TCOF1: variants seen among roughly 807,000 people sequenced by gnomAD.
TCOF1 encodes the protein treacle protein.
In TCOF1, 33 loss-of-function variants were observed where a neutral mutation model predicts 149.0. The observed-to-expected ratio is 0.22, with a 90% CI of 0.17 to 0.30. TCOF1 has a LOEUF of 0.30. TCOF1 is among the 10% of genes least tolerant of loss of function. TCOF1 has a pLI of 1.00. For missense variants in TCOF1, 1,728 were observed against 1,840.7 expected (o/e 0.94, Z 1.12); for synonymous variants, 789 against 738.8 (o/e 1.07, Z -1.10).
At chr5:150,398,998 CCT>C in intron 25 of TCOF1, 22 bp from the exon 26 acceptor site, 2 of 1,614,198 alleles carry the variant, frequency 1.2e-6, no homozygotes, top group East Asian at 2.2e-5. Flanking sequence ...GGTCTGAGAG[CCT>C]CTCGTACTTC....
intron 14 of TCOF1, among the ~76,000 whole-genome samples, chr5:150,377,625 G>C (rs1020552947): frequency 6.6e-6 from 1 of 151,846 alleles, no homozygotes; most frequent in Non-Finnish European, 1.5e-5. Flanking sequence ...TCGTTGACTT[G>C]TGGGACCTCA....
At chr5:150,398,938 T>C (rs1273328968) in intron 25 of TCOF1, 84 bp from the exon 26 acceptor site, 1 of 1,597,502 alleles carries the variant, frequency 6.3e-7, no homozygotes, top group African/African-American at 1.3e-5. Flanking sequence ...TCTAGGGGAA[T>C]TCACTAGTCC....
At position 150,392,717 on chromosome 5, in the gene TCOF1, C is replaced by T. The variant is rs1136103; in HGVS notation, c.3530C>T (p.Pro1177Leu). 7 of 1,613,882 alleles carry T rather than the reference C, an allele frequency of 4.3e-6. No individual in the cohort carries two copies. Among genetic ancestry groups the T allele is most frequent in the South Asian group, 2.2e-5 (2 of 91,082 alleles). ...KSAHTLVGPT[P>L]SRTETLVEET... ...TGTGCTTCTCCAGTAGGTCCCACCC[C>T]CTCCAGGACAGAGACCCTGGTGGAG... is the stretch of plus-strand genomic sequence containing the variant. Residue 1177 changes from proline (P) to leucine (L), a missense_variant, in exon 22 of 27, where the codon CCC (proline) becomes CTC (leucine). Pro to Leu is a moderately conservative substitution (Grantham distance 98, BLOSUM62 -3). Around this residue, in one of 2 missense-constraint regions of TCOF1, gnomAD observed 1,696 missense variants for 1,765.4 expected, o/e 0.96. Transcript: ENST00000643257.
chr5:150,386,990 C>T (rs1271551249), intron 17 of TCOF1, among the ~76,000 whole-genome samples: 3 of 152,214 alleles, frequency 2.0e-5, no homozygotes, highest in Admixed American at 6.5e-5. Flanking sequence ...CACGTACCAT[C>T]CCCAGCCTCA....
intron 17 of TCOF1, among the ~76,000 whole-genome samples, chr5:150,386,871 G>A (rs920879195): frequency 3.9e-5 from 6 of 152,238 alleles, no homozygotes; most frequent in African/African-American, 9.6e-5. Flanking sequence ...TTCAAAACCA[G>A]ACTGGCCTGC....
At chr5:150,368,272 C>A in intron 4 of TCOF1, 1 of 365,408 alleles carries the variant, frequency 2.7e-6, no homozygotes, top group Non-Finnish European at 5.1e-6. Flanking sequence ...CCGTAGTGAT[C>A]AAGACATCTG....
At position 150,400,279 on chromosome 5, in the gene TCOF1, C is replaced by T. The variant is rs1333000217; in HGVS notation, c.*492C>T. ...AATAACTCAAAAAAAAAATAAAAGA[C>T]TTGGAGGAAGGGTGCAAGCTCCCAG... On this transcript the variant is annotated 3_prime_UTR_variant, in exon 27 of 27. Coordinates refer to ENST00000643257, the MANE Select transcript of TCOF1 (RefSeq NM_001371623.1). 6.6e-6 allele frequency: 1 copy of T among 151,060 alleles called. No homozygotes were observed. The highest frequency in any genetic ancestry group is 1.9e-4 in the East Asian group (1 of 5,158). The allele number at this position is 151,060 out of a possible 1,614,324, so 9.4% of individuals were successfully genotyped here.
rs563767747 is a variant in TCOF1 at position 150,392,841 on chromosome 5, C to T, written c.3603+51C>T. The T allele has an allele frequency of 4.5e-5, 71 of 1,587,766 alleles. No homozygotes were observed. The East Asian group carries it at 1.6e-3, about 35-fold the overall frequency. On this transcript the variant is annotated intron_variant, in intron 22 of 26. Coordinates refer to ENST00000643257, the MANE Select transcript of TCOF1 (RefSeq NM_001371623.1). Reference sequence around the variant, plus strand: ...GCCCATAGGCCTTAGGGTGGAGCCCCAGGCCAGGCTCCTGTCTACCCGATC... The same window carrying T: ...GCCCATAGGCCTTAGGGTGGAGCCCTAGGCCAGGCTCCTGTCTACCCGATC...
chr5:150,381,165 A>G (rs1472710962), intron 17 of TCOF1, among the ~76,000 whole-genome samples: 1 of 152,208 alleles, frequency 6.6e-6, no homozygotes, highest in Non-Finnish European at 1.5e-5. Flanking sequence ...CTGTGTGGCC[A>G]GGTCTTCCAT....
intron 22 of TCOF1, chr5:150,393,138 A>T (rs1581209259): frequency 1.7e-6 from 1 of 603,182 alleles, no homozygotes; most frequent in East Asian, 2.8e-5. Context: ...ATTAATAAGA[A>T]ATTTCCTTTT....
chr5:150,361,938 C>A (rs1466360127), intron 2 of TCOF1, among the ~76,000 whole-genome samples: 2 of 152,048 alleles, frequency 1.3e-5, no homozygotes, highest in African/African-American at 4.8e-5. Flanking sequence ...AGCAGTGGGG[C>A]CATGGTAGGG....
chr5:150,364,321 G>A, intron 3 of TCOF1, 69 bp downstream of exon 3: 1 of 1,605,526 alleles, frequency 6.2e-7, no homozygotes, highest in Non-Finnish European at 8.5e-7. Flanking sequence ...TCTACCTCCA[G>A]CTTCTTCTCT....
At chr5:150,366,090 A>G (rs1242992185) in intron 3 of TCOF1, among the ~76,000 whole-genome samples, 1 of 151,164 alleles carries the variant, frequency 6.6e-6, no homozygotes, top group Non-Finnish European at 1.5e-5. Flanking sequence ...CCTGCACTCC[A>G]GCCTGGGCAA....
chr5:150,379,788 A>G (rs1481667664), intron 17 of TCOF1, 56 bp downstream of exon 17: 2 of 1,587,080 alleles, frequency 1.3e-6, no homozygotes, highest in Non-Finnish European at 1.7e-6. Flanking sequence ...ACGGGGGTAT[A>G]GGGCTGGGCG....
chr5:150,364,053 C>G, intron 2 of TCOF1, 60 bp from the exon 3 acceptor site: 1 of 1,612,706 alleles, frequency 6.2e-7, no homozygotes. Flanking sequence ...TCTGTCTAGT[C>G]AATTCTTGTG....
At chr5:150,380,018 G>A (rs1764729998) in intron 17 of TCOF1, 1 of 404,270 alleles carries the variant, frequency 2.5e-6, no homozygotes, top group Non-Finnish European at 4.7e-6. Flanking sequence ...GCTGCAGCAA[G>A]CCAAGATCAT....
chr5:150,396,771 G>A lies in TCOF1; in HGVS notation c.4274G>A (p.Gly1425Glu). 6.2e-7 allele frequency: 1 copy of A among 1,611,948 alleles called. No individual in the cohort carries two copies. The highest frequency in any genetic ancestry group is 8.5e-7 in the Non-Finnish European group (1 of 1,179,432). The part of the protein sequence containing the change: ...KDEPEEELQK[G>E]MGTVEGGDQS... ...GAGCCAGAAGAGGAGCTTCAGAAGGGGATGGGGACGGTTGAAGGTGGAGAT... is the reference window on the plus strand; with the variant it reads ...GAGCCAGAAGAGGAGCTTCAGAAGGAGATGGGGACGGTTGAAGGTGGAGAT... The change falls in exon 24 of 27, where the codon GGG becomes GAG. Residue 1425 changes from glycine (G) to glutamate (E), a missense_variant. Transcript: ENST00000643257.
chr5:150,384,645 A>C (rs1465581706), intron 17 of TCOF1: 1 of 984,268 alleles, frequency 1.0e-6, no homozygotes, highest in Non-Finnish European at 1.2e-6. Context: ...TGAACCATTT[A>C]ATTGGTATGT....
At chr5:150,398,152 G>A (rs1460978021) in intron 24 of TCOF1, among the ~76,000 whole-genome samples, 1 of 152,058 alleles carries the variant, frequency 6.6e-6, no homozygotes, top group Non-Finnish European at 1.5e-5. Context: ...GAACTCCTGG[G>A]CTTAAGCAAT....
Sources: gnomAD v4.1 joint callset for allele counts (sites outside exome capture counted in the v4.1 genomes callset) on GRCh38, gnomAD v4.1.1 for gene constraint, gnomAD v4.1.1 regional missense constraint, MANE v1.5 for transcripts, NCBI Gene and HGNC (gene_info 2026-07-23, HGNC 2026-07-21) for gene names.